KCNMB3: variants seen among roughly 807,000 people sequenced by gnomAD.
The protein encoded by KCNMB3 is calcium-activated potassium channel subunit beta-3.
A neutral mutation model predicts 11.9 loss-of-function variants in KCNMB3; 18 were observed. That is an observed-to-expected ratio of 1.51 (90% CI 1.04 to 2.23). The LOEUF (loss-of-function observed/expected upper bound fraction) is 2.23. Among genes scored for constraint, KCNMB3 ranks in the 30% most tolerant of loss-of-function variants. The probability of loss-of-function intolerance (pLI) is 0.00; values close to 1 mark genes in which losing one functional copy is unlikely to be tolerated. For synonymous variants in KCNMB3, 78 were observed against 119.2 expected (o/e 0.65, Z 2.25); for missense variants, 247 against 329.4 (o/e 0.75, Z 1.94).
upstream of KCNMB3, chr3:179,251,461 G>T: frequency 7.1e-7 from 1 of 1,404,714 alleles, no homozygotes; most frequent in Non-Finnish European, 9.2e-7. Context: ...TCAGAATTAT[G>T]AAGTTGTCAT....
chr3:179,252,016 G>A (rs1032447883), upstream of KCNMB3, among the ~76,000 whole-genome samples: 7 of 152,038 alleles, frequency 4.6e-5, no homozygotes, highest in Non-Finnish European at 8.8e-5. Context: ...CACTGCACCC[G>A]GCCTGGTTTA....
intron 1 of KCNMB3, chr3:179,258,969 G>A (rs1401193581): frequency 6.2e-7 from 1 of 1,613,932 alleles, no homozygotes; most frequent in Non-Finnish European, 8.5e-7. Flanking sequence ...AGAGAAAAGA[G>A]CCCCTCACAC....
rs192512759 is a variant in KCNMB3, at chr3:179,266,775, G to A, written c.-65C>T. ...GTCATGCCCCTGCGGGCGCAAGAAA[G>A]GTGAAGCTTAGACATCCACGGAAGT... On this transcript the variant is annotated 5_prime_UTR_variant, in exon 1 of 4. Coordinates refer to the KCNMB3 transcript ENST00000349697. 6.3e-4 allele frequency: 1,002 copies of A among 1,599,566 alleles called. 2 individuals carry two copies. In the African/African-American group the frequency reaches 9.7e-3, roughly 15 times the overall value.
intron 1 of KCNMB3, among the ~76,000 whole-genome samples, chr3:179,264,677 A>G (rs1726319078): frequency 6.6e-6 from 1 of 152,194 alleles, no homozygotes; most frequent in South Asian, 2.1e-4. Flanking sequence ...TGATCCCCAC[A>G]GAAGCCAGCA....
Position 179,243,266 on chromosome 3 carries a change from A to G in KCNMB3, c.466T>C (p.Cys156Arg), listed in dbSNP as rs1300978412. The G allele has an allele frequency of 1.6e-5, 20 of 1,239,374 alleles. 1 individual carries two copies. In the Middle Eastern group the frequency reaches 5.8e-4, roughly 36 times the overall value. The allele number at this position is 1,239,374 out of a possible 1,614,324, so 76.8% of individuals were successfully genotyped here. ...INPKCFYTPK[C>R]HQDRNDLLNS... ...AGCAAATCATTTCTATCTTGGTGGC[A>G]CTTAGGTGTGTAAAAGCACTAGGAA... Residue 156 changes from cysteine (C) to arginine (R), a missense_variant, in exon 3 of 3, where the codon TGC becomes CGC. Physicochemically the swap from Cys to Arg is radical, Grantham distance 180. Transcript: ENST00000392685.
Position 179,242,865 on chromosome 3 carries a change from C to T in KCNMB3, c.*39G>A, listed in dbSNP as rs745505828. On this transcript the variant is annotated 3_prime_UTR_variant, in exon 3 of 3. Coordinates refer to ENST00000392685, the MANE Select transcript of KCNMB3 (RefSeq NM_171830.2). ...ATTAGGTCCTCAGTTGCAGAAATCA[C>T]AGACATCTGAAGGCCAGCACTTTAA... is the stretch of plus-strand genomic sequence containing the variant. 1 of 1,528,726 alleles carries T rather than the reference C, an allele frequency of 6.5e-7. No individual in the cohort carries two copies. 94.7% of individuals were successfully genotyped at this position (1,528,726 alleles called of 1,614,324 possible).
chr3:179,241,396 A>G (rs1340898490), downstream of KCNMB3: 1 of 154,386 alleles, frequency 6.5e-6, no homozygotes. Flanking sequence ...TGCACACTAG[A>G]AAGGAAAACA....
At chr3:179,266,870 A>G in exon 1 of KCNMB3, 3 of 1,431,188 alleles carry the variant, frequency 2.1e-6, no homozygotes, top group Non-Finnish European at 2.7e-6. Flanking sequence ...CTTCCTGGAG[A>G]GGTGAGAACT....
At position 179,244,578 on chromosome 3, in the gene KCNMB3, G is replaced by A; in HGVS notation, c.364C>T (p.Leu122Phe). Residue 122 changes from leucine to phenylalanine, a missense_variant, in exon 2 of 3, where the codon CTT becomes TTT. Physicochemically the swap from Leu to Phe is conservative, Grantham distance 22. Coordinates refer to ENST00000392685, the MANE Select transcript of KCNMB3 (RefSeq NM_171830.2). ...HCHGQGKYPC[L>F]QVFVNLSHPG... ...TGGCTGAGGTTCACAAACACCTGAA[G>A]ACACGGGTACTTCCCCTGACCGTGG... is the stretch of plus-strand genomic sequence containing the variant. The A allele has an allele frequency of 1.2e-6, 2 of 1,614,124 alleles. No homozygotes were observed. The highest frequency in any genetic ancestry group is 2.2e-5 in the South Asian group (2 of 91,084).
At chr3:179,254,156 T>C (rs1163867798), upstream of KCNMB3, among the ~76,000 whole-genome samples, 2 of 152,190 alleles carry the variant, frequency 1.3e-5, no homozygotes, top group African/African-American at 4.8e-5. Flanking sequence ...TAGTTTAATA[T>C]ACCATCCAAC....
At chr3:179,251,182 G>C (rs1255046226), upstream of KCNMB3, 4 of 1,607,084 alleles carry the variant, frequency 2.5e-6, no homozygotes, top group African/African-American at 1.3e-5. Context: ...GTTGCCTCAT[G>C]CAAGTCTGTA....
At chr3:179,266,691 G>A in exon 1 of KCNMB3, 1 of 1,614,196 alleles carries the variant, frequency 6.2e-7, no homozygotes, top group Non-Finnish European at 8.5e-7. Context: ...GATTTGCACG[G>A]GGATGCTGAA....
At chr3:179,250,682 A>G in intron 1 of KCNMB3, 61 bp downstream of exon 1, 1 of 1,537,596 alleles carries the variant, frequency 6.5e-7, no homozygotes, top group Non-Finnish European at 8.9e-7. Flanking sequence ...CTCCTCCTTT[A>G]CCGCTGTGCC....
upstream of KCNMB3, among the ~76,000 whole-genome samples, chr3:179,254,975 G>A (rs1725965205): frequency 1.3e-5 from 2 of 152,048 alleles, no homozygotes; most frequent in Non-Finnish European, 2.9e-5. Flanking sequence ...GACGAGCCCG[G>A]CCAACATGGC....
At chr3:179,263,129 C>A (rs761630767) in intron 1 of KCNMB3, among the ~76,000 whole-genome samples, 3 of 152,320 alleles carry the variant, frequency 2.0e-5, no homozygotes, top group South Asian at 2.1e-4. Context: ...GAGGCTCGGG[C>A]GGCACAGGAG....
chr3:179,242,326 C>A (rs1290321248), downstream of KCNMB3: 1 of 151,686 alleles, frequency 6.6e-6, no homozygotes, highest in Non-Finnish European at 1.5e-5. Context: ...ACCCAGGAGG[C>A]AGAGGTCACA....
intron 1 of KCNMB3, among the ~76,000 whole-genome samples, chr3:179,247,594 G>A (rs968717606): frequency 6.6e-6 from 1 of 152,024 alleles, no homozygotes; most frequent in Non-Finnish European, 1.5e-5. Context: ...AGTTGCCTCT[G>A]GGTTTCCTAG....
chr3:179,251,105 T>C lies in KCNMB3; in HGVS notation c.-115A>G. The C allele has an allele frequency of 6.2e-7, 1 of 1,614,222 alleles. No homozygotes were observed. Reference sequence around the variant, plus strand: ...TTCAGAGCTTGGTGAAAAGTCCATCTAAATAAGCTAAAGTGATGTGTAATC... The same window carrying C: ...TTCAGAGCTTGGTGAAAAGTCCATCCAAATAAGCTAAAGTGATGTGTAATC... On this transcript the variant is annotated 5_prime_UTR_variant, in exon 1 of 3. Transcript: ENST00000392685.
intron 1 of KCNMB3, among the ~76,000 whole-genome samples, chr3:179,264,228 A>G (rs1001770558): frequency 6.6e-6 from 1 of 152,170 alleles, no homozygotes; most frequent in Non-Finnish European, 1.5e-5. Flanking sequence ...TTGTAATCCT[A>G]TTGGCTACAT....
Sources: gnomAD v4.1 joint callset for allele counts (sites outside exome capture counted in the v4.1 genomes callset) on GRCh38, gnomAD v4.1.1 for gene constraint, MANE v1.5 for transcripts, NCBI Gene and HGNC (gene_info 2026-07-23, HGNC 2026-07-21) for gene names.